ZFP41: variants seen among roughly 807,000 people sequenced by gnomAD.
ZFP41 encodes the protein ZFP41 zinc finger protein.
ZFP41 carries 10 observed loss-of-function variants against 11.6 expected under a neutral mutation model. The observed-to-expected ratio is 0.86, with a 90% CI of 0.53 to 1.47. The LOEUF is 1.47. ZFP41 is among the 40% of genes most tolerant of loss of function. The pLI is 0.00. For synonymous variants in ZFP41, 123 were observed against 100.9 expected, an observed-to-expected ratio of 1.22 and a Z score of -1.31; for missense variants, 302 against 264.6, an observed-to-expected ratio of 1.14 and a Z score of -0.98.
intron 2 of ZFP41, among the ~76,000 whole-genome samples, chr8:143,252,369 G>A (rs541145986): frequency 6.6e-5 from 10 of 152,326 alleles, no homozygotes; most frequent in South Asian, 4.1e-4. Context: ...GCCCCACCCC[G>A]CCATGCCCCC....
In ZFP41 at chr8:143,250,038, C is replaced by A. The variant is rs773810515; in HGVS notation, c.195C>A (p.Asp65Glu). The part of the protein sequence containing the change: ...EDEEHVFDAF[D>E]ASFKDDFEGV... ...AAGAGCACGTCTTTGATGCCTTCGA[C>A]GCTTCATTTAAAGATGACTTTGAGG... The change falls in exon 2 of 3, where the codon GAC becomes GAA. Residue 65 changes from aspartate (D) to glutamate (E), a missense_variant. By Grantham distance (45) the Asp-to-Glu change is conservative (BLOSUM62 2). Transcript: ENST00000330701. The A allele has an allele frequency of 6.2e-7, 1 of 1,614,018 alleles. No homozygotes were observed. Among genetic ancestry groups the A allele is most frequent in the Admixed American group, 1.7e-5 (1 of 60,004 alleles).
intron 2 of ZFP41, among the ~76,000 whole-genome samples, chr8:143,256,218 A>T (rs1429632796): frequency 3.9e-3 from 197 of 50,470 alleles, no homozygotes; most frequent in South Asian, 6.0e-3. Context: ...CGCGTGCTGG[A>T]GTTAGTGAGA....
At position 143,261,956 on chromosome 8, in the gene ZFP41, G is replaced by A. The variant is rs1405165574; in HGVS notation, c.*3082G>A. 223 of 119,014 alleles carry A rather than the reference G, an allele frequency of 1.9e-3. 10 individuals carry two copies. Among genetic ancestry groups the A allele is most frequent in the African/African-American group, 9.9e-3 (189 of 19,172 alleles). The allele number at this position is 119,014 out of a possible 1,614,324, so 7.4% of individuals were successfully genotyped here. ...GTCTCCGGCAGCACCTGCCACGCCC[G>A]TCTCCGGCAGCCCCTGCCCGCACCC... On this transcript the variant is annotated 3_prime_UTR_variant, in exon 3 of 3. Transcript: ENST00000330701.
rs1324624544 is a variant in ZFP41 at position 143,250,055 on chromosome 8, AC to A, written c.213del (p.Phe72LeufsTer88). 6.2e-7 allele frequency: 1 copy of A among 1,614,154 alleles called. No individual in the cohort carries two copies. Among genetic ancestry groups the A allele is most frequent in the South Asian group, 1.1e-5 (1 of 91,082 alleles). On this transcript the variant is annotated frameshift_variant, in exon 2 of 3. Transcript: ENST00000330701. LOFTEE classifies it high-confidence loss of function. The stretch of plus-strand genomic sequence containing the variant: ...GCCTTCGACGCTTCATTTAAAGATG[AC>A]TTTGAGGGGGTTCCCGTGTTCATTC... ...FDAFDASFKD[D>X]FEGVPVFIPF...
rs746160438 is a variant in ZFP41, at chr8:143,250,395, C to G, written c.552C>G (p.Ser184=). 2.5e-6 allele frequency: 4 copies of G among 1,613,192 alleles called. No individual in the cohort carries two copies. The South Asian group carries it at 4.4e-5, about 18-fold the overall frequency. Residue 184 remains serine (S), a synonymous_variant, in exon 2 of 3, where the codon TCC becomes TCG. Coordinates refer to ENST00000330701, the MANE Select transcript of ZFP41 (RefSeq NM_173832.6). ...THCGKAFAYS[S]CLIRHQKRHP... The stretch of plus-strand genomic sequence containing the variant: ...GTGGGAAAGCCTTTGCCTACAGCTC[C>G]TGTCTCATCCGCCATCAGAAACGCC...
intron 2 of ZFP41, among the ~76,000 whole-genome samples, chr8:143,255,814 A>C (rs1474938017): frequency 1.8e-5 from 2 of 108,516 alleles, no homozygotes; most frequent in African/African-American, 3.9e-5. Context: ...TGCTGGTGTT[A>C]GTGAGATCAG....
intron 2 of ZFP41, among the ~76,000 whole-genome samples, chr8:143,254,694 A>T (rs1334604844): frequency 1.5e-5 from 2 of 137,268 alleles, no homozygotes; most frequent in East Asian, 4.4e-4. Context: ...GTGCAGTGGC[A>T]CGATCTCAGC....
At position 143,250,259 on chromosome 8, in the gene ZFP41, G is replaced by T. The variant is rs771369832; in HGVS notation, c.416G>T (p.Gly139Val). ...ACCAAACACCAGAGGACTCACACGGGAGAGAAGCCCTTCAAATGCGGGGAG... is the reference window on the plus strand; with the variant it reads ...ACCAAACACCAGAGGACTCACACGGTAGAGAAGCCCTTCAAATGCGGGGAG... ...DVTKHQRTHTGEKPFKCGECG... is the reference protein window; with the variant it reads ...DVTKHQRTHTVEKPFKCGECG... The change falls in exon 2 of 3, where the codon GGA becomes GTA. Residue 139 changes from glycine to valine, a missense_variant. Coordinates refer to ENST00000330701, the MANE Select transcript of ZFP41 (RefSeq NM_173832.6). 5 of 1,613,996 alleles carry T rather than the reference G, an allele frequency of 3.1e-6. No individual in the cohort carries two copies. Among genetic ancestry groups the T allele is most frequent in the Non-Finnish European group, 8.5e-7 (1 of 1,180,046 alleles).
rs1408594728 is a variant in ZFP41 at position 143,260,005 on chromosome 8, C to G, written c.*1131C>G. On this transcript the variant is annotated 3_prime_UTR_variant, in exon 3 of 3. Coordinates refer to ENST00000330701, the MANE Select transcript of ZFP41 (RefSeq NM_173832.6). ...GGCAGAGTGCGTGCAGGGAAGCAGC[C>G]TCTGAAATCGTGCAGGGAAGCACCC... 6.5e-6 allele frequency: 1 copy of G among 153,904 alleles called. No homozygotes were observed. Among genetic ancestry groups the G allele is most frequent in the African/African-American group, 2.4e-5 (1 of 41,452 alleles). The allele number at this position is 153,904 out of a possible 1,614,324, so 9.5% of individuals were successfully genotyped here.
chr8:143,250,517 G>A lies in ZFP41; in HGVS notation c.*77G>A, dbSNP rs920489672. The A allele has an allele frequency of 2.5e-5, 39 of 1,548,544 alleles. No homozygotes were observed. The highest frequency in any genetic ancestry group is 2.5e-4 in the East Asian group (11 of 44,286). On this transcript the variant is annotated 3_prime_UTR_variant, in exon 2 of 3. Transcript: ENST00000330701. ...CTGCTCCGTGGCTCCCTCGTGTCCC[G>A]CGTCTGATGGGGGCGCAGGGCCGTG...
At chr8:143,248,929 A>T (rs772527393) in intron 1 of ZFP41, among the ~76,000 whole-genome samples, 30 of 152,216 alleles carry the variant, frequency 2.0e-4, no homozygotes, top group Non-Finnish European at 7.3e-5. Context: ...TTTATGTGTT[A>T]CCTGCACTCA....
At chr8:143,254,780 G>A (rs1324270597) in intron 2 of ZFP41, among the ~76,000 whole-genome samples, 2 of 151,768 alleles carry the variant, frequency 1.3e-5, no homozygotes, top group Non-Finnish European at 2.9e-5. Flanking sequence ...TTTCAGGCAC[G>A]CACCACCACG....
rs1363920158 is a variant in ZFP41, at chr8:143,250,606, C to T, written c.*166C>T. On this transcript the variant is annotated 3_prime_UTR_variant, in exon 2 of 3. Transcript: ENST00000330701. Reference sequence around the variant, plus strand: ...AGCCCAGTCAGATGTGGGAACGTGCCAGCGAGGGAGAGACCTTTCCACTGC... The same window carrying T: ...AGCCCAGTCAGATGTGGGAACGTGCTAGCGAGGGAGAGACCTTTCCACTGC... 8.8e-7 allele frequency: 1 copy of T among 1,140,754 alleles called. No individual in the cohort carries two copies. Among genetic ancestry groups the T allele is most frequent in the East Asian group, 2.6e-5 (1 of 38,792 alleles). The allele number at this position is 1,140,754 out of a possible 1,614,324, so 70.7% of individuals were successfully genotyped here.
intron 1 of ZFP41, among the ~76,000 whole-genome samples, chr8:143,247,978 C>T (rs1816724530): frequency 6.6e-6 from 1 of 152,156 alleles, no homozygotes; most frequent in Non-Finnish European, 1.5e-5. Flanking sequence ...TGCCACCACG[C>T]CCAGCTAATT....
At position 143,262,538 on chromosome 8, in the gene ZFP41, C is replaced by T. The variant is rs763253969; in HGVS notation, c.*3664C>T. 6.6e-6 allele frequency: 1 copy of T among 152,300 alleles called. No individual in the cohort carries two copies. Among genetic ancestry groups the T allele is most frequent in the Non-Finnish European group, 1.5e-5 (1 of 68,084 alleles). The allele number at this position is 152,300 out of a possible 1,614,324, so 9.4% of individuals were successfully genotyped here. ...GTCCTGTGCATCTGGGATAAGCATCCGTTTGTTTTCAGCTGCGCTTTCTGT... is the reference window on the plus strand; with the variant it reads ...GTCCTGTGCATCTGGGATAAGCATCTGTTTGTTTTCAGCTGCGCTTTCTGT... On this transcript the variant is annotated 3_prime_UTR_variant, in exon 3 of 3. Coordinates refer to ENST00000330701, the MANE Select transcript of ZFP41 (RefSeq NM_173832.6).
chr8:143,260,139 C>CGTGCAGGGAAGCACCCTGTGAAATT lies in ZFP41; in HGVS notation c.*1287_*1288insATTGTGCAGGGAAGCACCCTGTGAA. The CGTGCAGGGAAGCACCCTGTGAAATT allele has an allele frequency of 7.9e-6, 1 of 126,602 alleles. No individual in the cohort carries two copies. Among genetic ancestry groups the CGTGCAGGGAAGCACCCTGTGAAATT allele is most frequent in the East Asian group, 2.3e-4 (1 of 4,434 alleles). The allele number at this position is 126,602 out of a possible 1,614,324, so 7.8% of individuals were successfully genotyped here. ...CGTGCAGGGAAGCACCCTCTGAAAT[C>CGTGCAGGGAAGCACCCTGTGAAATT]GTGCAGGGAAGCACCCTGTGAAGTC... On this transcript the variant is annotated 3_prime_UTR_variant, in exon 3 of 3. Transcript: ENST00000330701.
At chr8:143,259,144 G>A (rs1001275705) in intron 2 of ZFP41, among the ~76,000 whole-genome samples, 6 of 152,226 alleles carry the variant, frequency 3.9e-5, no homozygotes, top group African/African-American at 1.4e-4. Context: ...TTGGTCAAGG[G>A]AAGCTGTTGG....
chr8:143,253,888 G>A (rs547168760), intron 2 of ZFP41, among the ~76,000 whole-genome samples: 3 of 152,296 alleles, frequency 2.0e-5, no homozygotes, highest in Admixed American at 2.0e-4. Context: ...CCGTGGACAG[G>A]GAGTGGTGTG....
Position 143,261,460 on chromosome 8 carries a change from AGGAAG to A in ZFP41, c.*2588_*2592del, listed in dbSNP as rs1280583926. 2.0e-5 allele frequency: 3 copies of A among 152,710 alleles called. No homozygotes were observed. Among genetic ancestry groups the A allele is most frequent in the Non-Finnish European group, 1.5e-5 (1 of 68,450 alleles). The allele number at this position is 152,710 out of a possible 1,614,324, so 9.5% of individuals were successfully genotyped here. A position where few individuals can be genotyped will look rare whatever the true frequency, so the allele number is the denominator to read the frequency against. On this transcript the variant is annotated 3_prime_UTR_variant, in exon 3 of 3. Transcript: ENST00000330701. ...AGGAACAGCTGAGGTCCAGGGACGCAGGAAGGATGGGGTGAACTCCGGGATGGGGC... is the reference window on the plus strand; with the variant it reads ...AGGAACAGCTGAGGTCCAGGGACGCAGATGGGGTGAACTCCGGGATGGGGC...
Sources: gnomAD v4.1 joint callset for allele counts (sites outside exome capture counted in the v4.1 genomes callset) on GRCh38, gnomAD v4.1.1 for gene constraint, MANE v1.5 for transcripts, NCBI Gene and HGNC (gene_info 2026-07-23, HGNC 2026-07-21) for gene names.